The following INSYN2A variants were observed in gnomAD, a reference collection of about 807,000 sequenced individuals.
INSYN2A encodes the protein family with sequence similarity 196 member A.
In INSYN2A, 17 loss-of-function variants were observed where a neutral mutation model predicts 39.4. The ratio of observed to expected loss-of-function variants is 0.43; its 90% CI spans 0.30 to 0.65. The LOEUF is 0.65. INSYN2A is among the 30% of genes least tolerant of loss of function. The probability of loss-of-function intolerance (pLI) is 0.14; values close to 1 mark genes in which losing one functional copy is unlikely to be tolerated. For missense variants in INSYN2A, 595 were observed against 631.2 expected (o/e 0.94, Z 0.61); for synonymous variants, 255 against 265.7 (o/e 0.96, Z 0.39).
At chr10:127,189,165 C>T (rs374832464) in intron 2 of INSYN2A, among the ~76,000 whole-genome samples, 30 of 152,306 alleles carry the variant, frequency 2.0e-4, no homozygotes, top group African/African-American at 7.0e-4. Context: ...AAGGTTCCAA[C>T]CTTGAGTGGC....
intron 2 of INSYN2A, among the ~76,000 whole-genome samples, chr10:127,185,046 A>T (rs1215025654): frequency 6.6e-6 from 1 of 152,184 alleles, no homozygotes; most frequent in Non-Finnish European, 1.5e-5. Context: ...GGAAGTACTG[A>T]GAGTGCTCCC....
chr10:127,189,875 TA>T (rs1352297124), intron 2 of INSYN2A, among the ~76,000 whole-genome samples: 1 of 149,182 alleles, frequency 6.7e-6, no homozygotes, highest in Admixed American at 6.7e-5. Context: ...TTTAAAATGA[TA>T]AATTGGTGGG....
chr10:127,184,610 T>C (rs1194251704), intron 2 of INSYN2A, among the ~76,000 whole-genome samples: 1 of 151,910 alleles, frequency 6.6e-6, no homozygotes, highest in African/African-American at 2.4e-5. Flanking sequence ...TATAAGATCA[T>C]CTATACTTTT....
chr10:127,160,379 C>A lies in INSYN2A; in HGVS notation c.1185-6456G>T, dbSNP rs11016543. On this transcript the variant is annotated intron_variant, in intron 4 of 5. Transcript: ENST00000522781. Reference sequence around the variant, plus strand: ...CAATGGAAAGTTCTCTTCTCACATTCCTGGGTGACTGGATGGGGCATTTGT... The same window carrying A: ...CAATGGAAAGTTCTCTTCTCACATTACTGGGTGACTGGATGGGGCATTTGT... Among the ~76,000 whole-genome samples, 130 of 152,310 alleles carry A rather than the reference C, an allele frequency of 8.5e-4. 1 individual carries two copies. In the East Asian group the frequency reaches 0.019, roughly 22 times the overall value.
chr10:127,186,410 C>G (rs1267704629), intron 2 of INSYN2A, among the ~76,000 whole-genome samples: 1 of 151,462 alleles, frequency 6.6e-6, no homozygotes, highest in Admixed American at 6.6e-5. Flanking sequence ...GCCTGTAATC[C>G]CAGCTACTTG....
intron 5 of INSYN2A, among the ~76,000 whole-genome samples, chr10:127,144,380 T>A (rs2051584164): frequency 1.3e-5 from 2 of 152,212 alleles, no homozygotes; most frequent in Non-Finnish European, 2.9e-5. Flanking sequence ...TGAGAGCCTG[T>A]CTCCTGTGGG....
intron 1 of INSYN2A, among the ~76,000 whole-genome samples, chr10:127,193,544 C>G (rs2056894706): frequency 6.6e-6 from 1 of 152,144 alleles, no homozygotes; most frequent in African/African-American, 2.4e-5. Context: ...CAGTAGTTGT[C>G]TCTAAATGAG....
intron 5 of INSYN2A, among the ~76,000 whole-genome samples, chr10:127,145,069 T>C (rs981899640): frequency 5.9e-5 from 9 of 152,182 alleles, no homozygotes; most frequent in Admixed American, 2.0e-4. Context: ...TCCGTGACCA[T>C]ACTGGAGAAC....
At chr10:127,150,014 A>G (rs553133184) in intron 5 of INSYN2A, among the ~76,000 whole-genome samples, 3 of 152,320 alleles carry the variant, frequency 2.0e-5, no homozygotes, top group African/African-American at 7.2e-5. Flanking sequence ...GTGTTTCTAC[A>G]GATTCATATG....
intron 4 of INSYN2A, among the ~76,000 whole-genome samples, chr10:127,163,865 A>G (rs2053817441): frequency 6.9e-6 from 1 of 144,194 alleles, no homozygotes; most frequent in Non-Finnish European, 1.5e-5. Flanking sequence ...AAACACCCTT[A>G]ATGAACTCAG....
intron 2 of INSYN2A, among the ~76,000 whole-genome samples, chr10:127,190,822 C>A (rs1216494405): frequency 6.6e-6 from 1 of 151,896 alleles, no homozygotes; most frequent in East Asian, 1.9e-4. Flanking sequence ...CTCATAGCTG[C>A]CCCCTAACTT....
At chr10:127,178,694 T>G (rs2055423014) in intron 2 of INSYN2A, among the ~76,000 whole-genome samples, 1 of 152,130 alleles carries the variant, frequency 6.6e-6, no homozygotes. Flanking sequence ...ATTTGAAACT[T>G]GAAAAACTGG....
chr10:127,155,925 A>AG (rs1367951662), intron 4 of INSYN2A, among the ~76,000 whole-genome samples: 3 of 152,156 alleles, frequency 2.0e-5, no homozygotes, highest in Admixed American at 6.6e-5. Context: ...GTGGCAGATG[A>AG]GGTACTGCTC....
In INSYN2A at chr10:127,155,032, C is replaced by T. The variant is rs545675507; in HGVS notation, c.1185-1109G>A. Among the ~76,000 whole-genome samples, 618 of 152,114 alleles carry T rather than the reference C, an allele frequency of 4.1e-3. 1 individual carries two copies. Among genetic ancestry groups the T allele is most frequent in the Admixed American group, 7.1e-3 (109 of 15,276 alleles). On this transcript the variant is annotated intron_variant, in intron 4 of 5. Coordinates refer to ENST00000522781, the MANE Select transcript of INSYN2A (RefSeq NM_001039762.3). ...TGTGTCCAGGCACAGACATGATAAC[C>T]GGAATGTTAAATTTGTGGCAGGAGA...
chr10:127,172,806 C>T (rs1424531358), intron 4 of INSYN2A, among the ~76,000 whole-genome samples: 1 of 152,146 alleles, frequency 6.6e-6, no homozygotes, highest in Non-Finnish European at 1.5e-5. Flanking sequence ...TCCTCAGATG[C>T]TTAAGAACCA....
chr10:127,190,665 T>TTCCCC (rs1564887696), intron 2 of INSYN2A, among the ~76,000 whole-genome samples: 1 of 41,792 alleles, frequency 2.4e-5, no homozygotes, highest in African/African-American at 1.4e-4. Flanking sequence ...AATCCTATCT[T>TTCCCC]CCCCCCCCCC....
intron 5 of INSYN2A, among the ~76,000 whole-genome samples, chr10:127,150,365 C>T (rs1054810358): frequency 1.4e-5 from 1 of 71,422 alleles, no homozygotes; most frequent in Non-Finnish European, 4.9e-5. Flanking sequence ...TCAGTGGGAC[C>T]CTGAGGGAAG....
At chr10:127,144,300 C>A (rs2051576180) in intron 5 of INSYN2A, among the ~76,000 whole-genome samples, 1 of 152,154 alleles carries the variant, frequency 6.6e-6, no homozygotes, top group African/African-American at 2.4e-5. Flanking sequence ...AAAGTCCACC[C>A]TCCCCCCTGC....
chr10:127,141,408 A>G (rs1391358470), intron 5 of INSYN2A, among the ~76,000 whole-genome samples: 1 of 152,142 alleles, frequency 6.6e-6, no homozygotes, highest in Non-Finnish European at 1.5e-5. Flanking sequence ...CAGAGTCTTA[A>G]AAGGCAAATT....
Sources: gnomAD v4.1 joint callset for allele counts (sites outside exome capture counted in the v4.1 genomes callset) on GRCh38, gnomAD v4.1.1 for gene constraint, MANE v1.5 for transcripts, NCBI Gene and HGNC (gene_info 2026-07-23, HGNC 2026-07-21) for gene names.